The following DMD variants were observed in gnomAD, a reference collection of about 807,000 sequenced individuals.
The protein encoded by DMD is dystrophin, also known as mutant dystrophin.
Under a neutral mutation model 330.1 loss-of-function variants are expected in DMD, and 63 were observed. The observed-to-expected ratio is 0.19, with a 90% CI of 0.16 to 0.24. DMD has a LOEUF of 0.24. Ranked by LOEUF, DMD falls within the 10% of genes least tolerant of loss-of-function variation. The pLI, the probability that DMD is intolerant of heterozygous loss-of-function variation, is 1.00. For synonymous variants in DMD, 1,223 were observed against 959.8 expected (o/e 1.27, Z -5.07); for missense variants, 3,344 against 2,684.1 (o/e 1.25, Z -5.43).
intron 17 of DMD, among the ~76,000 whole-genome samples, chrX:32,536,452 GCA>G (rs1443610847): frequency 1.8e-5 from 2 of 111,006 alleles, no homozygotes; most frequent in Non-Finnish European, 3.8e-5. Context: ...GCTTAAGAAA[GCA>G]CAGAGCATTT....
chrX:31,814,656 A>C, intron 50 of DMD, among the ~76,000 whole-genome samples: 1 of 111,230 alleles, frequency 9.0e-6, no homozygotes. Context: ...TTTCTTTCAA[A>C]AATGCTAAAT....
At chrX:31,229,446 A>G (rs1041488035) in intron 63 of DMD, among the ~76,000 whole-genome samples, 1 of 111,756 alleles carries the variant, frequency 8.9e-6, no homozygotes, top group African/African-American at 3.3e-5. Flanking sequence ...CAATATGCCT[A>G]TCTATTAGCT....
Position 32,216,294 on chromosome X carries a change from G to A in DMD, c.6438+622C>T, listed in dbSNP as rs778482909. On this transcript the variant is annotated intron_variant, in intron 44 of 78. Coordinates refer to ENST00000357033, the MANE Select transcript of DMD (RefSeq NM_004006.3). ...TGGACAATCTAATCTATCTTTACCT[G>A]CATATTCAAAGGACACCACAAGTTG... is the stretch of plus-strand genomic sequence containing the variant. 9.8e-5 allele frequency among the ~76,000 whole-genome samples: 11 copies of A among 111,791 alleles called. No homozygotes were observed. In the South Asian group the frequency reaches 3.7e-3, roughly 37 times the overall value.
At chrX:32,913,875 C>T (rs2087528799) in intron 2 of DMD, among the ~76,000 whole-genome samples, 1 of 112,023 alleles carries the variant, frequency 8.9e-6, no homozygotes, top group South Asian at 3.7e-4. Flanking sequence ...GTACATTCTA[C>T]AGCATTCCTC....
chrX:31,461,735 A>G (rs1458345956), intron 59 of DMD, among the ~76,000 whole-genome samples: 1 of 111,809 alleles, frequency 8.9e-6, no homozygotes, highest in African/African-American at 3.2e-5. Context: ...ATTACTGTAC[A>G]TGCAAAAACA....
chrX:33,063,781 A>G (rs1173133453), intron 1 of DMD, among the ~76,000 whole-genome samples: 1 of 110,243 alleles, frequency 9.1e-6, no homozygotes, highest in Non-Finnish European at 1.9e-5. Context: ...CACTATCTCT[A>G]TGCCGGGGCT....
intron 44 of DMD, among the ~76,000 whole-genome samples, chrX:32,109,161 G>T (rs2096577932): frequency 9.0e-6 from 1 of 111,457 alleles, no homozygotes; most frequent in Admixed American, 9.6e-5. Flanking sequence ...ATTTGATTCA[G>T]ACTGTGTTTC....
At chrX:32,341,329 G>C (rs2097741180) in intron 41 of DMD, among the ~76,000 whole-genome samples, 1 of 111,378 alleles carries the variant, frequency 9.0e-6, no homozygotes, top group Non-Finnish European at 1.9e-5. Context: ...GTTAATAATA[G>C]GAACAAAAAT....
chrX:33,022,182 A>G (rs991693722), intron 1 of DMD, among the ~76,000 whole-genome samples: 3 of 111,583 alleles, frequency 2.7e-5, no homozygotes, highest in African/African-American at 9.8e-5. Context: ...GAAAGCATAC[A>G]TTCAGATGTC....
At chrX:32,029,072 C>T (rs905352783) in intron 44 of DMD, among the ~76,000 whole-genome samples, 2 of 110,710 alleles carry the variant, frequency 1.8e-5, no homozygotes, top group African/African-American at 6.6e-5. Flanking sequence ...GAAGAGAAAC[C>T]TGAGGTTCAC....
intron 1 of DMD, among the ~76,000 whole-genome samples, chrX:33,030,201 C>T (rs1403461260): frequency 2.7e-5 from 3 of 111,746 alleles, no homozygotes; most frequent in Non-Finnish European, 5.6e-5. Context: ...ATTACAACTT[C>T]CCGTGGGTCT....
chrX:32,388,497 C>A (rs1289602225), intron 32 of DMD, among the ~76,000 whole-genome samples: 1 of 108,915 alleles, frequency 9.2e-6, no homozygotes, highest in Non-Finnish European at 1.9e-5. Flanking sequence ...TAAAATGCAG[C>A]TTGAATTATG....
At chrX:31,789,728 C>T (rs938452027) in intron 50 of DMD, among the ~76,000 whole-genome samples, 6 of 110,607 alleles carry the variant, frequency 5.4e-5, no homozygotes, top group Admixed American at 9.6e-5. Context: ...CTATATTAAT[C>T]CATTATTTTA....
intron 7 of DMD, among the ~76,000 whole-genome samples, chrX:32,703,322 T>A (rs768198605): frequency 6.3e-5 from 7 of 111,713 alleles, no homozygotes; most frequent in Non-Finnish European, 1.3e-4. Context: ...CTGTAAAGTT[T>A]GTTGAACCTT....
intron 51 of DMD, among the ~76,000 whole-genome samples, chrX:31,734,376 C>A (rs1054664384): frequency 6.3e-5 from 7 of 111,052 alleles, no homozygotes; most frequent in Non-Finnish European, 1.3e-4. Context: ...GGCTTTAGTA[C>A]CATAATCTTA....
At position 31,131,757 on chromosome X, in the gene DMD, C is replaced by T. The variant is rs754408411; in HGVS notation, c.11014+2345G>A. On this transcript the variant is annotated intron_variant, in intron 77 of 78. Coordinates refer to ENST00000357033, the MANE Select transcript of DMD (RefSeq NM_004006.3). The stretch of plus-strand genomic sequence containing the variant: ...TTTTCAAAATTAAAAAACAAAAGTG[C>T]TTTTAGTTGGAAAGAAAGCATCCAA... Among the ~76,000 whole-genome samples the T allele has an allele frequency of 2.7e-5, 3 of 111,513 alleles. No individual in the cohort carries two copies. In the Admixed American group the frequency reaches 2.8e-4, roughly 11 times the overall value.
intron 44 of DMD, among the ~76,000 whole-genome samples, chrX:31,977,027 T>TGGC (rs2150233869): frequency 8.9e-6 from 1 of 112,016 alleles, no homozygotes; most frequent in African/African-American, 3.2e-5. Flanking sequence ...AATATAACTA[T>TGGC]GGCGATTGCT....
rs72468644 is a variant in DMD at position 32,390,032 on chromosome X, A to T, written c.4344+39T>A. The T allele has an allele frequency of 1.5e-3, 1,591 of 1,085,936 alleles. 15 individuals carry two copies. Among genetic ancestry groups the T allele is most frequent in the Middle Eastern group, 2.4e-3 (10 of 4,089 alleles). The allele number at this position is 1,085,936 out of a possible 1,213,427, so 89.5% of individuals were successfully genotyped here. A position where few individuals can be genotyped will look rare whatever the true frequency, so the allele number is the denominator to read the frequency against. On this transcript the variant is annotated intron_variant, in intron 31 of 78. Transcript: ENST00000357033. The stretch of plus-strand genomic sequence containing the variant: ...CAATATAGACTGGAGTATAATGCCC[A>T]ACGAAAACACGTTCCTTAGTTTCTG...
At chrX:31,161,854 CAA>C (rs753568513) in intron 74 of DMD, among the ~76,000 whole-genome samples, 6 of 111,368 alleles carry the variant, frequency 5.4e-5, no homozygotes, top group Non-Finnish European at 1.1e-4. Flanking sequence ...GTATGATGCA[CAA>C]AGTCCTTTAA....
Sources: allele counts gnomAD v4.1 joint callset (sites outside exome capture counted in the v4.1 genomes callset), GRCh38; gene constraint gnomAD v4.1.1; transcripts MANE v1.5; gene names NCBI Gene and HGNC (gene_info 2026-07-23, HGNC 2026-07-21).